Variants in FSTL5 observed in about 807,000 individuals in gnomAD.
FSTL5 encodes the protein follistatin-related protein 5.
A neutral mutation model predicts 89.1 loss-of-function variants in FSTL5; 62 were observed. The observed-to-expected ratio is 0.70, with a 90% CI of 0.57 to 0.86. The LOEUF (loss-of-function observed/expected upper bound fraction) is 0.86, where lower values mean the gene tolerates loss of function less well. FSTL5 is among the 40% of genes least tolerant of loss of function. The probability of loss-of-function intolerance (pLI) is 0.00; values close to 1 mark genes in which losing one functional copy is unlikely to be tolerated. For missense variants in FSTL5, 1,057 were observed against 1,001.6 expected (o/e 1.06, Z -0.75); for synonymous variants, 383 against 346.2 (o/e 1.11, Z -1.18).
intron 15 of FSTL5, among the ~76,000 whole-genome samples, chr4:161,449,963 G>T (rs1733105871): frequency 6.6e-6 from 1 of 152,094 alleles, no homozygotes; most frequent in Non-Finnish European, 1.5e-5. Flanking sequence ...ATTTGTGGTA[G>T]ATTACACTTT....
chr4:161,463,416 AAC>A (rs1168566235), intron 13 of FSTL5, among the ~76,000 whole-genome samples: 2 of 152,218 alleles, frequency 1.3e-5, no homozygotes, highest in African/African-American at 4.8e-5. Flanking sequence ...TGTATAAAAT[AAC>A]ACATTTTATA....
intron 1 of FSTL5, among the ~76,000 whole-genome samples, chr4:162,114,023 A>G (rs78608593): frequency 0.046 from 6,998 of 152,292 alleles, 368 homozygotes; most frequent in East Asian, 0.27. Context: ...CCAGAACAAT[A>G]CATGAATGCA....
intron 12 of FSTL5, among the ~76,000 whole-genome samples, chr4:161,493,438 T>A (rs1238596935): frequency 6.6e-6 from 1 of 151,808 alleles, no homozygotes; most frequent in Non-Finnish European, 1.5e-5. Flanking sequence ...CTATATTTTA[T>A]AATAAAATCT....
At chr4:161,588,997 GTTTT>G (rs879331171) in intron 7 of FSTL5, among the ~76,000 whole-genome samples, 2 of 130,944 alleles carry the variant, frequency 1.5e-5, no homozygotes, top group African/African-American at 2.8e-5. Context: ...TATCCCTAAT[GTTTT>G]TTTTTTTTTT....
chr4:161,569,757 A>AC (rs1732937896), intron 8 of FSTL5, among the ~76,000 whole-genome samples: 2 of 38,424 alleles, frequency 5.2e-5, no homozygotes, highest in African/African-American at 1.5e-4. Context: ...TCCAACACAC[A>AC]AACACACACA....
At chr4:161,897,085 C>A (rs978556051) in intron 4 of FSTL5, among the ~76,000 whole-genome samples, 4 of 151,388 alleles carry the variant, frequency 2.6e-5, no homozygotes, top group Non-Finnish European at 5.9e-5. Flanking sequence ...GTTATAGGTA[C>A]CCGCCACACA....
At chr4:161,419,304 T>TTCTTC (rs1731901475) in intron 15 of FSTL5, among the ~76,000 whole-genome samples, 1 of 152,150 alleles carries the variant, frequency 6.6e-6, no homozygotes, top group Non-Finnish European at 1.5e-5. Context: ...CCATACATAT[T>TTCTTC]TGCCAAATAG....
intron 13 of FSTL5, among the ~76,000 whole-genome samples, chr4:161,460,335 C>T (rs1733515460): frequency 6.8e-6 from 1 of 146,992 alleles, no homozygotes; most frequent in Non-Finnish European, 1.5e-5. Flanking sequence ...GTGTGCTGCA[C>T]CCGTTAACTT....
chr4:161,665,035 A>G (rs1736838585), intron 6 of FSTL5: 1 of 152,460 alleles, frequency 6.6e-6, no homozygotes, highest in Non-Finnish European at 1.5e-5. Flanking sequence ...ACACATGGGA[A>G]TTCTGGGAGA....
chr4:161,436,972 A>C (rs543926754), intron 15 of FSTL5, among the ~76,000 whole-genome samples: 5 of 152,324 alleles, frequency 3.3e-5, no homozygotes, highest in Admixed American at 3.3e-4. Context: ...GGGAATAACA[A>C]TACAATGATT....
rs192148827 is a variant in FSTL5, at chr4:161,889,496, T to G, written c.409+30908A>C. 2.1e-3 allele frequency among the ~76,000 whole-genome samples: 318 copies of G among 152,066 alleles called. 3 individuals are homozygous for G. The highest frequency in any genetic ancestry group is 7.0e-3 in the African/African-American group (292 of 41,490). On this transcript the variant is annotated intron_variant, in intron 4 of 15. Transcript: ENST00000306100. ...CCATCTCTACTAAAAACACAAAAAT[T>G]TGCTAGGTGTGGCAGTGCATGCCTG... is the stretch of plus-strand genomic sequence containing the variant.
At chr4:161,483,853 C>T (rs1294483934) in intron 12 of FSTL5, among the ~76,000 whole-genome samples, 1 of 151,962 alleles carries the variant, frequency 6.6e-6, no homozygotes, top group Admixed American at 6.6e-5. Context: ...ATCGCTTTTA[C>T]AGAAATGTAT....
chr4:161,722,042 T>C (rs1739237450), intron 6 of FSTL5, among the ~76,000 whole-genome samples: 2 of 151,934 alleles, frequency 1.3e-5, no homozygotes, highest in Admixed American at 6.6e-5. Context: ...CAAATACAAA[T>C]GGAAAAAAAA....
chr4:161,774,066 C>A (rs543313411), intron 5 of FSTL5, among the ~76,000 whole-genome samples: 1 of 151,990 alleles, frequency 6.6e-6, no homozygotes, highest in African/African-American at 2.4e-5. Flanking sequence ...TTGAGACCAT[C>A]CTGGGTAACA....
intron 15 of FSTL5, among the ~76,000 whole-genome samples, chr4:161,432,256 C>A (rs551923093): frequency 6.6e-6 from 1 of 152,176 alleles, no homozygotes; most frequent in African/African-American, 2.4e-5. Flanking sequence ...TATCAAAGAT[C>A]TTCTCTGACC....
intron 9 of FSTL5, among the ~76,000 whole-genome samples, chr4:161,541,164 C>A (rs944500950): frequency 6.6e-6 from 1 of 151,868 alleles, no homozygotes; most frequent in Non-Finnish European, 1.5e-5. Context: ...AGTTTTATAC[C>A]CCTATGTGTG....
Position 161,948,507 on chromosome 4 carries a change from G to A in FSTL5, c.161-27855C>T, listed in dbSNP as rs1342390763. On this transcript the variant is annotated intron_variant, in intron 3 of 15. Coordinates refer to ENST00000306100, the MANE Select transcript of FSTL5 (RefSeq NM_020116.5). Reference sequence around the variant, plus strand: ...TTTCTTTTTTTTTTTTTTTTTTGGAGACAGAGTCTCACTTTGTCACCCAGG... The same window carrying A: ...TTTCTTTTTTTTTTTTTTTTTTGGAAACAGAGTCTCACTTTGTCACCCAGG... Among the ~76,000 whole-genome samples, 13 of 100,296 alleles carry A rather than the reference G, an allele frequency of 1.3e-4. No homozygotes were observed. The East Asian group carries it at 2.1e-3, about 16-fold the overall frequency. 65.8% of individuals were successfully genotyped at this position (100,296 alleles called of 152,430 possible). A position where few individuals can be genotyped will look rare whatever the true frequency, so the allele number is the denominator to read the frequency against.
chr4:162,121,029 T>C (rs1180062895), intron 1 of FSTL5, among the ~76,000 whole-genome samples: 1 of 151,912 alleles, frequency 6.6e-6, no homozygotes, highest in Non-Finnish European at 1.5e-5. Context: ...TATATAGTTA[T>C]GGTTCTAGTT....
intron 4 of FSTL5, among the ~76,000 whole-genome samples, chr4:161,814,063 T>TA (rs1416894988): frequency 1.3e-5 from 2 of 151,716 alleles, no homozygotes; most frequent in Non-Finnish European, 2.9e-5. Flanking sequence ...CAAATGCCAT[T>TA]AAAAAATGAA....
Sources: gnomAD v4.1 joint callset for allele counts (sites outside exome capture counted in the v4.1 genomes callset) on GRCh38, gnomAD v4.1.1 for gene constraint, MANE v1.5 for transcripts, NCBI Gene and HGNC (gene_info 2026-07-23, HGNC 2026-07-21) for gene names.